CFAP47: variants seen among roughly 807,000 people sequenced by gnomAD.
CFAP47 encodes cilia and flagella associated protein 47.
CFAP47 carries 29 observed loss-of-function variants against 148.1 expected under a neutral mutation model. The ratio of observed to expected loss-of-function variants is 0.20; its 90% confidence interval spans 0.15 to 0.27. CFAP47 has a LOEUF of 0.27. Among genes scored for constraint, CFAP47 ranks in the 10% least tolerant of loss-of-function variants. CFAP47 has a pLI of 1.00. For synonymous variants in CFAP47, 664 were observed against 577.3 expected (o/e 1.15, Z -2.15); for missense variants, 1,872 against 1,697.5 (o/e 1.10, Z -1.81).
At chrX:36,019,626 C>A (rs944732109) in intron 22 of CFAP47, among the ~76,000 whole-genome samples, 2 of 111,492 alleles carry the variant, frequency 1.8e-5, no homozygotes, top group African/African-American at 6.5e-5. Context: ...TTTTTCCCAC[C>A]CGCCTGACTG....
At chrX:35,994,255 C>A (rs1351288326) in intron 18 of CFAP47, among the ~76,000 whole-genome samples, 5 of 109,798 alleles carry the variant, frequency 4.6e-5, no homozygotes, top group African/African-American at 1.7e-4. Context: ...GAGCGAGACT[C>A]CGTCTCAAAA....
intron 51 of CFAP47, among the ~76,000 whole-genome samples, chrX:36,286,704 G>A (rs7064106): frequency 0.044 from 4,865 of 110,986 alleles, 305 homozygotes; most frequent in African/African-American, 0.15. Flanking sequence ...ACATTAAAAT[G>A]TATCCCTTTA....
At chrX:36,377,023 T>C (rs782540867) in intron 62 of CFAP47, among the ~76,000 whole-genome samples, 31 of 111,417 alleles carry the variant, frequency 2.8e-4, no homozygotes, top group African/African-American at 9.8e-4. Flanking sequence ...CAGTCTATCA[T>C]TGATGGACAT....
chrX:36,049,055 T>G (rs5973565), intron 26 of CFAP47, among the ~76,000 whole-genome samples: 29,512 of 110,452 alleles, frequency 0.27, 5,611 homozygotes, highest in African/African-American at 0.66. Context: ...GGATATCAAG[T>G]TTGAACAAAT....
chrX:36,014,709 A>C (rs1374999876), intron 21 of CFAP47, 65 bp from the exon 22 acceptor site: 1 of 282,414 alleles, frequency 3.5e-6, no homozygotes, highest in Non-Finnish European at 6.2e-6. Flanking sequence ...GTTTGGCTAA[A>C]TAAATAGTAT....
At chrX:36,109,595 C>T (rs1938520691) in intron 33 of CFAP47, among the ~76,000 whole-genome samples, 1 of 111,305 alleles carries the variant, frequency 9.0e-6, no homozygotes, top group African/African-American at 3.3e-5. Context: ...CCTGCCTCAG[C>T]CTCCTGAGTA....
chrX:36,260,839 T>G (rs781792010), intron 49 of CFAP47, among the ~76,000 whole-genome samples: 5 of 111,803 alleles, frequency 4.5e-5, no homozygotes, highest in Non-Finnish European at 9.4e-5. Context: ...TAGTTCAGGG[T>G]CTTACATTTA....
At chrX:36,291,983 T>A (rs1941198049) in intron 51 of CFAP47, among the ~76,000 whole-genome samples, 2 of 111,261 alleles carry the variant, frequency 1.8e-5, no homozygotes, top group Non-Finnish European at 3.8e-5. Flanking sequence ...TATTTCTATT[T>A]TTAATAGTTT....
At chrX:36,323,632 C>T (rs1941494684) in intron 57 of CFAP47, among the ~76,000 whole-genome samples, 2 of 111,254 alleles carry the variant, frequency 1.8e-5, no homozygotes, top group Admixed American at 1.9e-4. Context: ...TAATAGCAGC[C>T]ATTCTATTCA....
chrX:36,142,277 A>G lies in CFAP47; in HGVS notation c.5536-2942A>G, dbSNP rs532941041. Among the ~76,000 whole-genome samples the G allele has an allele frequency of 7.2e-5, 8 of 111,487 alleles. No individual in the cohort carries two copies. The East Asian group carries it at 1.4e-3, about 20-fold the overall frequency. On this transcript the variant is annotated intron_variant, in intron 35 of 63. Coordinates refer to ENST00000378653, the MANE Select transcript of CFAP47 (RefSeq NM_001304548.2). ...ATGAAACTGAGGCCCAGGAAATTCA[A>G]TTGTCTTAAGAGCATGGCACTGTGT...
At chrX:36,377,402 G>C (rs980507210) in intron 62 of CFAP47, among the ~76,000 whole-genome samples, 8 of 112,225 alleles carry the variant, frequency 7.1e-5, no homozygotes, top group African/African-American at 2.6e-4. Flanking sequence ...TCATGTGTCT[G>C]TTGGCTGCAT....
chrX:36,037,378 T>G (rs1345769475), intron 24 of CFAP47, among the ~76,000 whole-genome samples: 1 of 108,784 alleles, frequency 9.2e-6, no homozygotes, highest in Non-Finnish European at 1.9e-5. Context: ...GTTGTTGTTG[T>G]TGGAGATGGA....
At chrX:36,235,526 C>T (rs1555994198) in intron 46 of CFAP47, among the ~76,000 whole-genome samples, 1 of 112,502 alleles carries the variant, frequency 8.9e-6, no homozygotes, top group Non-Finnish European at 1.9e-5. Flanking sequence ...TCTGTCATCC[C>T]TTTCTTTGAC....
intron 49 of CFAP47, among the ~76,000 whole-genome samples, chrX:36,278,439 C>T (rs782711067): frequency 4.4e-5 from 5 of 112,927 alleles, no homozygotes; most frequent in Non-Finnish European, 7.5e-5. Flanking sequence ...TTGCTAAAAC[C>T]GTTGGAAAAG....
intron 1 of CFAP47, among the ~76,000 whole-genome samples, chrX:35,921,019 A>G (rs1461877271): frequency 8.9e-6 from 1 of 112,216 alleles, no homozygotes; most frequent in African/African-American, 3.2e-5. Context: ...TTTACTTACT[A>G]AAGTGCACAG....
intron 23 of CFAP47, among the ~76,000 whole-genome samples, 176 bp from the exon 24 acceptor site, chrX:36,035,519 A>G (rs953719496): frequency 8.9e-6 from 1 of 111,979 alleles, no homozygotes; most frequent in African/African-American, 3.2e-5. Flanking sequence ...CATAGAGAAC[A>G]GTTTCATCAG....
In CFAP47 at chrX:36,234,719, C is replaced by T. The variant is rs371116101; in HGVS notation, c.7015-1215C>T. Among the ~76,000 whole-genome samples, 16 of 111,754 alleles carry T rather than the reference C, an allele frequency of 1.4e-4. No homozygotes were observed. In the East Asian group the frequency reaches 3.1e-3, roughly 22 times the overall value. ...CTTTTTAGAGTTTCCAGTTTTTCTGCTCTGTTTTTTCCCCATCTTTGTGGT... is the reference window on the plus strand; with the variant it reads ...CTTTTTAGAGTTTCCAGTTTTTCTGTTCTGTTTTTTCCCCATCTTTGTGGT... On this transcript the variant is annotated intron_variant, in intron 46 of 63. Coordinates refer to ENST00000378653, the MANE Select transcript of CFAP47 (RefSeq NM_001304548.2).
At chrX:35,987,732 G>C (rs1936736794) in intron 15 of CFAP47, among the ~76,000 whole-genome samples, 2 of 111,752 alleles carry the variant, frequency 1.8e-5, no homozygotes, top group South Asian at 7.5e-4. Flanking sequence ...TAGGGCTCTG[G>C]TGGCATAGGC....
intron 39 of CFAP47, among the ~76,000 whole-genome samples, chrX:36,176,514 A>G (rs902417825): frequency 3.6e-5 from 4 of 112,558 alleles, no homozygotes; most frequent in Admixed American, 9.4e-5. Flanking sequence ...CTTCAATCCA[A>G]TTGAGTCAGA....
Sources: allele counts gnomAD v4.1 joint callset (sites outside exome capture counted in the v4.1 genomes callset), GRCh38; gene constraint gnomAD v4.1.1; transcripts MANE v1.5; gene names NCBI Gene and HGNC (gene_info 2026-07-23, HGNC 2026-07-21).